Variants in CHD2 observed in about 807,000 individuals in gnomAD.
CHD2 encodes ATP-dependent chromatin remodeler CHD2.
A neutral mutation model predicts 243.9 loss-of-function variants in CHD2; 28 were observed. That is an observed-to-expected ratio of 0.11 (90% CI 0.09 to 0.16). The LOEUF (loss-of-function observed/expected upper bound fraction) is 0.16, where lower values mean the gene tolerates loss of function less well. CHD2 is among the 10% of genes least tolerant of loss of function. The pLI is 1.00. For synonymous variants in CHD2, 775 were observed against 779.0 expected (o/e 0.99, Z 0.09); for missense variants, 1,386 against 2,209.8 (o/e 0.63, Z 7.47).
chr15:92,960,771 A>G (rs983128865), intron 16 of CHD2, among the ~76,000 whole-genome samples: 1 of 140,918 alleles, frequency 7.1e-6, no homozygotes, highest in African/African-American at 2.6e-5. Flanking sequence ...CTAGAGTACA[A>G]TGGCACCATC....
At chr15:92,937,825 G>A (rs778392774) in intron 6 of CHD2, among the ~76,000 whole-genome samples, 200 bp downstream of exon 6, 2 of 152,188 alleles carry the variant, frequency 1.3e-5, no homozygotes, top group Non-Finnish European at 2.9e-5. Context: ...CTATCGTGGG[G>A]CAAACATGTC....
chr15:92,932,894 C>T (rs1018932040), intron 5 of CHD2, among the ~76,000 whole-genome samples: 58 of 151,954 alleles, frequency 3.8e-4, no homozygotes, highest in Non-Finnish European at 7.1e-4. Flanking sequence ...AGGCATGCGC[C>T]ACTGTGCCCA....
intron 20 of CHD2, among the ~76,000 whole-genome samples, chr15:92,975,194 G>A (rs1463284246): frequency 2.6e-5 from 4 of 152,192 alleles, no homozygotes; most frequent in African/African-American, 9.7e-5. Context: ...GTAGCTTCCA[G>A]ATACCAAATC....
chr15:92,935,192 C>T (rs749808542), intron 5 of CHD2, among the ~76,000 whole-genome samples: 1 of 152,070 alleles, frequency 6.6e-6, no homozygotes, highest in Non-Finnish European at 1.5e-5. Flanking sequence ...CCCGCCACCA[C>T]GCCTGGCTAA....
intron 2 of CHD2, chr15:92,905,114 GT>G: frequency 2.1e-6 from 2 of 937,006 alleles, no homozygotes; most frequent in Non-Finnish European, 3.2e-6. Context: ...AGAATACAGC[GT>G]TAGGCAACCA....
intron 18 of CHD2, 114 bp downstream of exon 18, chr15:92,972,041 G>T: frequency 8.2e-7 from 1 of 1,217,220 alleles, no homozygotes; most frequent in Non-Finnish European, 1.1e-6. Flanking sequence ...ATCAAAGGAA[G>T]CTTTAAAAAT....
chr15:92,916,327 C>A (rs2052835124), intron 2 of CHD2, among the ~76,000 whole-genome samples: 1 of 152,240 alleles, frequency 6.6e-6, no homozygotes, highest in African/African-American at 2.4e-5. Context: ...GTTTCAGATA[C>A]TTTTGGGCTC....
chr15:92,929,124 A>G (rs2053118383), intron 5 of CHD2, 33 bp downstream of exon 5: 5 of 1,573,870 alleles, frequency 3.2e-6, no homozygotes, highest in Non-Finnish European at 4.3e-6. Context: ...TATTCAATCT[A>G]GTAGTTTCAA....
At chr15:93,001,837 T>G (rs1469293900) in intron 32 of CHD2, among the ~76,000 whole-genome samples, 1 of 152,202 alleles carries the variant, frequency 6.6e-6, no homozygotes, top group Non-Finnish European at 1.5e-5. Flanking sequence ...TACATTTAAA[T>G]ACTAGCAACC....
chr15:92,960,795 A>G (rs776589433), intron 16 of CHD2, among the ~76,000 whole-genome samples: 2 of 143,206 alleles, frequency 1.4e-5, no homozygotes, highest in Non-Finnish European at 3.0e-5. Context: ...GCTCACTGCA[A>G]CCTCCACCTC....
chr15:92,978,562 T>C (rs531121080), intron 21 of CHD2, among the ~76,000 whole-genome samples, 179 bp downstream of exon 21: 1 of 152,350 alleles, frequency 6.6e-6, no homozygotes, highest in South Asian at 2.1e-4. Flanking sequence ...GATGAACCTA[T>C]TAAGGAACTT....
intron 16 of CHD2, among the ~76,000 whole-genome samples, chr15:92,964,209 A>T (rs1328049878): frequency 6.8e-5 from 10 of 146,230 alleles, no homozygotes; most frequent in Non-Finnish European, 1.4e-4. Context: ...TAGAGATGCA[A>T]GTTTTTTTCT....
At chr15:92,981,571 G>GGATATGAC in intron 24 of CHD2, 114 bp downstream of exon 24, 3 of 730,614 alleles carry the variant, frequency 4.1e-6, no homozygotes, top group Non-Finnish European at 6.8e-6. Context: ...CCTGAATTGA[G>GGATATGAC]TCATATCCTC....
intron 2 of CHD2, among the ~76,000 whole-genome samples, chr15:92,919,938 A>T (rs1227475456): frequency 6.6e-6 from 1 of 152,060 alleles, no homozygotes; most frequent in African/African-American, 2.4e-5. Flanking sequence ...GCCTCCCTCA[A>T]CCCCTAAAGG....
intron 26 of CHD2, among the ~76,000 whole-genome samples, chr15:92,989,504 A>G (rs1023828439): frequency 6.6e-6 from 1 of 152,130 alleles, no homozygotes; most frequent in African/African-American, 2.4e-5. Flanking sequence ...TGAAGTCTGT[A>G]TTCTTTGTCA....
chr15:92,987,903 A>G (rs2054065188), intron 26 of CHD2, among the ~76,000 whole-genome samples: 1 of 152,034 alleles, frequency 6.6e-6, no homozygotes, highest in Non-Finnish European at 1.5e-5. Flanking sequence ...AATTACAAGT[A>G]ACATCTTAGA....
chr15:93,010,785 T>C (rs2054383201), intron 35 of CHD2, among the ~76,000 whole-genome samples: 1 of 152,224 alleles, frequency 6.6e-6, no homozygotes, highest in Admixed American at 6.5e-5. Context: ...TCACAGTTAC[T>C]TCGTTTTTAT....
At chr15:92,981,881 G>C (rs1299033040) in intron 24 of CHD2, among the ~76,000 whole-genome samples, 1 of 152,222 alleles carries the variant, frequency 6.6e-6, no homozygotes. Context: ...GTAAGTGAGA[G>C]AAAGAGGTGT....
chr15:93,016,440 G>A lies in CHD2; in HGVS notation c.4906+1531G>A, dbSNP rs530024300. Among the ~76,000 whole-genome samples, 61 of 152,238 alleles carry A rather than the reference G, an allele frequency of 4.0e-4. No homozygotes were observed. The Middle Eastern group carries it at 0.01, about 25-fold the overall frequency. ...AGTTGAGAAATCTGTTGTACAGCAT[G>A]GTGACTGTAGTTAATAACAATGTAT... On this transcript the variant is annotated intron_variant, in intron 37 of 38. Coordinates refer to ENST00000394196, the MANE Select transcript of CHD2 (RefSeq NM_001271.4).
Sources: allele counts gnomAD v4.1 joint callset (sites outside exome capture counted in the v4.1 genomes callset), GRCh38; gene constraint gnomAD v4.1.1; transcripts MANE v1.5; gene names NCBI Gene and HGNC (gene_info 2026-07-23, HGNC 2026-07-21).